Variants in LEUTX observed in about 807,000 individuals in gnomAD.
LEUTX encodes leucine twenty homeobox, also known as paired-like homeodomain transcription factor LEUTX.
In LEUTX, 5 loss-of-function variants were observed where a neutral mutation model predicts 4.5. The observed-to-expected ratio is 1.11, with a 90% CI of 0.58 to 2.34. The LOEUF is 2.34. Among genes scored for constraint, LEUTX ranks in the 30% most tolerant of loss-of-function variants. LEUTX has a pLI of 0.01. For synonymous variants in LEUTX, 89 were observed against 85.1 expected (o/e 1.05, Z -0.25); for missense variants, 233 against 239.4 (o/e 0.97, Z 0.18).
upstream of LEUTX, among the ~76,000 whole-genome samples, chr19:39,778,298 A>T (rs180684872): frequency 6.6e-6 from 1 of 152,278 alleles, no homozygotes; most frequent in African/African-American, 2.4e-5. Context: ...GCTGCCCCCA[A>T]ATCCATACTC....
At chr19:39,784,859 A>G (rs1967940908) in intron 2 of LEUTX, among the ~76,000 whole-genome samples, 181 bp downstream of exon 2, 1 of 152,220 alleles carries the variant, frequency 6.6e-6, no homozygotes, top group South Asian at 2.1e-4. Context: ...AAGCTCACAT[A>G]GAAGAGCTGT....
chr19:39,784,634 G>A lies in LEUTX; in HGVS notation c.115G>A (p.Gly39Arg), dbSNP rs771812228. The A allele has an allele frequency of 3.2e-6, 5 of 1,551,592 alleles. No homozygotes were observed. In the South Asian group the frequency reaches 5.9e-5, roughly 18 times the overall value. Residue 39 changes from glycine (G) to arginine (R), a missense_variant, in exon 2 of 3, where the codon GGG (glycine) becomes AGG (arginine). Transcript: ENST00000638280. ...CATGCACCCAAGTTTGGCTACAATG[G>A]GGAAACTGGCTTCAAAGCTACAACT... ...KTMHPSLATM[G>R]KLASKLQLDL...
intron 1 of LEUTX, among the ~76,000 whole-genome samples, chr19:39,782,929 A>T (rs1967908677): frequency 6.6e-6 from 1 of 152,140 alleles, no homozygotes; most frequent in South Asian, 2.1e-4. Flanking sequence ...GTGTTTGGTT[A>T]CATGAGTAAG....
intron 1 of LEUTX, among the ~76,000 whole-genome samples, chr19:39,780,479 C>T (rs1967869191): frequency 6.6e-6 from 1 of 152,164 alleles, no homozygotes; most frequent in Admixed American, 6.5e-5. Context: ...ATTCTGGAAA[C>T]CCCTGTGCCT....
intron 1 of LEUTX, among the ~76,000 whole-genome samples, chr19:39,784,324 T>A (rs1967931875): frequency 6.6e-6 from 1 of 152,200 alleles, no homozygotes; most frequent in Non-Finnish European, 1.5e-5. Flanking sequence ...TTTTTGGGGA[T>A]GTTAAAGAAC....
intron 1 of LEUTX, among the ~76,000 whole-genome samples, chr19:39,780,433 T>C (rs1045527861): frequency 5.9e-5 from 9 of 152,210 alleles, no homozygotes; most frequent in African/African-American, 2.2e-4. Context: ...CAACGATCCT[T>C]TTGTTCATTT....
upstream of LEUTX, among the ~76,000 whole-genome samples, chr19:39,778,119 C>G (rs1050397369): frequency 1.3e-5 from 2 of 151,628 alleles, no homozygotes; most frequent in Admixed American, 1.3e-4. Context: ...TGGAGAAGAA[C>G]GTTAGGGGGA....
At chr19:39,785,378 C>A (rs1967950579) in intron 2 of LEUTX, among the ~76,000 whole-genome samples, 1 of 151,868 alleles carries the variant, frequency 6.6e-6, no homozygotes, top group Non-Finnish European at 1.5e-5. Context: ...TTCAAGGCTG[C>A]AGCGAGCTAT....
intron 2 of LEUTX, among the ~76,000 whole-genome samples, chr19:39,785,021 A>ATT (rs1967944099): frequency 6.6e-6 from 1 of 152,200 alleles, no homozygotes; most frequent in Admixed American, 6.5e-5. Context: ...CTGCTTAATC[A>ATT]GGACCATCAC....
rs182313958 is a variant in LEUTX, at chr19:39,784,268, C to T, written c.8-259C>T. On this transcript the variant is annotated intron_variant, in intron 1 of 2. Transcript: ENST00000638280. ...TCAGAATTCTTTTTCAGGTATATCA[C>T]GGATTTCTTCTTGGTTTGGATCCAT... Among the ~76,000 whole-genome samples the T allele has an allele frequency of 4.2e-4, 64 of 152,066 alleles. 1 individual carries two copies. Among genetic ancestry groups the T allele is most frequent in the African/African-American group, 1.4e-3 (57 of 41,480 alleles).
intron 1 of LEUTX, among the ~76,000 whole-genome samples, chr19:39,780,972 A>G (rs1009635508): frequency 2.0e-5 from 3 of 151,938 alleles, no homozygotes; most frequent in Non-Finnish European, 2.9e-5. Context: ...CCAAAGTGCT[A>G]GTATTACAGG....
chr19:39,780,152 C>T (rs1193660682), intron 1 of LEUTX, among the ~76,000 whole-genome samples: 2 of 152,190 alleles, frequency 1.3e-5, no homozygotes, highest in African/African-American at 2.4e-5. Context: ...TTGTACCTGG[C>T]TCTTCTAATA....
intron 1 of LEUTX, among the ~76,000 whole-genome samples, chr19:39,780,844 CT>C (rs540039792): frequency 0.018 from 2,687 of 150,492 alleles, 80 homozygotes; most frequent in African/African-American, 0.06. Context: ...TATAGATTTT[CT>C]TTTTTTTTGT....
Position 39,786,107 on chromosome 19 carries a change from A to G in LEUTX, c.569A>G (p.Glu190Gly), listed in dbSNP as rs1967969265. ...CAATATCTTTTTCCAGTATGCCTTG[A>G]GTATGACCAGCTCCAATCTTCAGTG... is the stretch of plus-strand genomic sequence containing the variant. The part of the protein sequence containing the change: ...LNQYLFPVCL[E>G]YDQLQSSV Residue 190 changes from glutamate (E) to glycine (G), a missense_variant, in exon 3 of 3, where the codon GAG becomes GGG. Transcript: ENST00000638280. 6.5e-7 allele frequency: 1 copy of G among 1,540,768 alleles called. No individual in the cohort carries two copies. Among genetic ancestry groups the G allele is most frequent in the Non-Finnish European group, 8.8e-7 (1 of 1,141,898 alleles).
chr19:39,785,391 T>C (rs979460360), intron 2 of LEUTX, among the ~76,000 whole-genome samples: 2 of 152,008 alleles, frequency 1.3e-5, no homozygotes, highest in African/African-American at 4.8e-5. Flanking sequence ...CGAGCTATGA[T>C]TGCAGCACTG....
chr19:39,783,557 T>C (rs947335654), intron 1 of LEUTX, among the ~76,000 whole-genome samples: 7 of 152,046 alleles, frequency 4.6e-5, no homozygotes, highest in Admixed American at 2.0e-4. Context: ...GTTCTACTTA[T>C]AGTTCTTGAA....
At chr19:39,778,489 C>T (rs1485332022), upstream of LEUTX, among the ~76,000 whole-genome samples, 3 of 152,182 alleles carry the variant, frequency 2.0e-5, no homozygotes, top group East Asian at 1.9e-4. Context: ...AAGCCGTCCA[C>T]GCACAGGGCA....
upstream of LEUTX, among the ~76,000 whole-genome samples, chr19:39,778,507 C>T (rs1217333689): frequency 6.6e-6 from 1 of 151,774 alleles, no homozygotes; most frequent in African/African-American, 2.4e-5. Flanking sequence ...GCACCTCCTT[C>T]ACCTTCCAGT....
rs186741179 is a variant in LEUTX, at chr19:39,782,935, G to T, written c.8-1592G>T. ...GAACAAGTGGTGTTTGGTTACATGAGTAAGTTCTTTAGTGGTGATTTGTGA... is the reference window on the plus strand; with the variant it reads ...GAACAAGTGGTGTTTGGTTACATGATTAAGTTCTTTAGTGGTGATTTGTGA... On this transcript the variant is annotated intron_variant, in intron 1 of 2. Coordinates refer to ENST00000638280, the MANE Select transcript of LEUTX (RefSeq NM_001382345.1). Among the ~76,000 whole-genome samples, 16 of 152,154 alleles carry T rather than the reference G, an allele frequency of 1.1e-4. No homozygotes were observed. In the East Asian group the frequency reaches 3.1e-3, roughly 29 times the overall value.
Sources: gnomAD v4.1 joint callset for allele counts (sites outside exome capture counted in the v4.1 genomes callset) on GRCh38, gnomAD v4.1.1 for gene constraint, MANE v1.5 for transcripts, NCBI Gene and HGNC (gene_info 2026-07-23, HGNC 2026-07-21) for gene names.